MAP3K9: variants seen among roughly 807,000 people sequenced by gnomAD.
MAP3K9 encodes mitogen-activated protein kinase kinase kinase 9, also known as mixed lineage kinase 1 (tyr and ser/thr specificity).
In MAP3K9, 46 loss-of-function variants were observed where a neutral mutation model predicts 95.8. The ratio of observed to expected loss-of-function variants is 0.48; its 90% CI spans 0.38 to 0.61. MAP3K9 has a LOEUF of 0.61. Ranked by LOEUF, MAP3K9 falls within the 20% of genes least tolerant of loss-of-function variation. The probability of loss-of-function intolerance (pLI) is 0.00; values close to 1 mark genes in which losing one functional copy is unlikely to be tolerated. For synonymous variants in MAP3K9, 533 were observed against 593.8 expected (o/e 0.90, Z 1.49); for missense variants, 1,296 against 1,474.3 (o/e 0.88, Z 1.98).
chr14:70,733,732 A>AG (rs2053945981), intron 10 of MAP3K9: 1 of 718,444 alleles, frequency 1.4e-6, no homozygotes, highest in Middle Eastern at 2.3e-4. Flanking sequence ...GATGGGAGTC[A>AG]GGGGGCAGGG....
At chr14:70,778,877 C>G (rs1566757878) in intron 2 of MAP3K9, among the ~76,000 whole-genome samples, 1 of 152,156 alleles carries the variant, frequency 6.6e-6, no homozygotes, top group Non-Finnish European at 1.5e-5. Context: ...CTTACCCTAC[C>G]CCGTCCACCC....
intron 2 of MAP3K9, among the ~76,000 whole-genome samples, chr14:70,781,144 CA>C: frequency 6.6e-6 from 1 of 152,354 alleles, no homozygotes; most frequent in Non-Finnish European, 1.5e-5. Flanking sequence ...TAACAGAATG[CA>C]GAAGAAATGA....
chr14:70,755,226 T>A (rs1270340121), intron 3 of MAP3K9, among the ~76,000 whole-genome samples: 1 of 152,214 alleles, frequency 6.6e-6, no homozygotes, highest in Non-Finnish European at 1.5e-5. Context: ...CAAGTCAGTT[T>A]GGGAAACAGC....
chr14:70,809,162 A>T lies in MAP3K9; in HGVS notation c.10T>A (p.Ser4Thr). 1 of 1,357,736 alleles carries T rather than the reference A, an allele frequency of 7.4e-7. No homozygotes were observed. The highest frequency in any genetic ancestry group is 1.8e-5 in the South Asian group (1 of 55,030). 84.1% of individuals were successfully genotyped at this position (1,357,736 alleles called of 1,614,324 possible). A position where few individuals can be genotyped will look rare whatever the true frequency, so the allele number is the denominator to read the frequency against. ...GCTAGGCAGCCGAGAAGCGCTCTGG[A>T]GGGCTCCATGGAGCGGCCGATCCAT... MEP[S>T]RALLGCLASA... The change falls in exon 1 of 12, where the codon TCC becomes ACC. Residue 4 changes from serine to threonine, a missense_variant. Ser to Thr is a moderately conservative substitution (Grantham distance 58, BLOSUM62 1). This residue lies in a region of MAP3K9 where 338 missense variants were observed against 363.4 expected (regional missense o/e 0.93). Transcript: ENST00000554752.
At chr14:70,732,513 A>G (rs763648059) in intron 11 of MAP3K9, 26 bp downstream of exon 11, 15 of 1,516,448 alleles carry the variant, frequency 9.9e-6, no homozygotes, top group Non-Finnish European at 1.3e-5. Flanking sequence ...CAAAGAAAGG[A>G]AAGAGAAAAG....
At chr14:70,733,821 A>G (rs1216026910) in intron 10 of MAP3K9, 1 of 718,058 alleles carries the variant, frequency 1.4e-6, no homozygotes, top group East Asian at 2.7e-5. Context: ...AGGCAGAAAA[A>G]GGGGGATGCT....
At position 70,769,793 on chromosome 14, in the gene MAP3K9, A is replaced by G. The variant is rs1413338306; in HGVS notation, c.821-8611T>C. ...TTCTCCTATTTGTCTATGTGTCCTT[A>G]TAAGGACATCGGTCATTGGATTAGG... is the stretch of plus-strand genomic sequence containing the variant. On this transcript the variant is annotated intron_variant, in intron 2 of 11. Transcript: ENST00000554752. Among the ~76,000 whole-genome samples, 4 of 152,256 alleles carry G rather than the reference A, an allele frequency of 2.6e-5. No individual in the cohort carries two copies. The East Asian group carries it at 7.7e-4, about 29-fold the overall frequency.
intron 6 of MAP3K9, among the ~76,000 whole-genome samples, chr14:70,742,087 C>T (rs1594771123): frequency 6.6e-6 from 1 of 152,318 alleles, no homozygotes; most frequent in East Asian, 1.9e-4. Context: ...CCCCTGTGAG[C>T]CACCAGGCTT....
At chr14:70,779,018 G>C (rs913753778) in intron 2 of MAP3K9, among the ~76,000 whole-genome samples, 1 of 108,428 alleles carries the variant, frequency 9.2e-6, no homozygotes, top group East Asian at 2.5e-4. Flanking sequence ...TTTGGTCCAG[G>C]GGGAGAATCA....
chr14:70,777,573 C>A (rs2054616439), intron 2 of MAP3K9, among the ~76,000 whole-genome samples: 1 of 152,190 alleles, frequency 6.6e-6, no homozygotes, highest in African/African-American at 2.4e-5. Context: ...AGAAAGTCTT[C>A]CCTATCAAAC....
intron 11 of MAP3K9, 36 bp downstream of exon 11, chr14:70,732,503 C>A (rs571330997): frequency 6.6e-7 from 1 of 1,511,598 alleles, no homozygotes; most frequent in South Asian, 1.4e-5. Flanking sequence ...TGAGGAGGCA[C>A]AAAGAAAGGA....
In MAP3K9 at chr14:70,735,810, T is replaced by C. The variant is rs572480644; in HGVS notation, c.1913+151A>G. 2.2e-4 allele frequency: 146 copies of C among 666,648 alleles called. 1 individual carries two copies. The South Asian group carries it at 2.5e-3, about 12-fold the overall frequency. The allele number at this position is 666,648 out of a possible 1,614,324, so 41.3% of individuals were successfully genotyped here. Reference sequence around the variant, plus strand: ...ACAGGAATTTTCCCAAGGTGCACAATGGTACTGCTTAAAACAAAAACAAAA... The same window carrying C: ...ACAGGAATTTTCCCAAGGTGCACAACGGTACTGCTTAAAACAAAAACAAAA... On this transcript the variant is annotated intron_variant, in intron 9 of 11. Coordinates refer to ENST00000554752, the MANE Select transcript of MAP3K9 (RefSeq NM_001284230.2).
chr14:70,809,327 C>G lies in MAP3K9; in HGVS notation c.-156G>C. On this transcript the variant is annotated 5_prime_UTR_variant, in exon 1 of 12. Coordinates refer to ENST00000554752, the MANE Select transcript of MAP3K9 (RefSeq NM_001284230.2). Reference sequence around the variant, plus strand: ...GGCAGGGCTGGGAGAGCCGGCTCGCCGGCGCTGTTACCGCGGTACGAGAAG... The same window carrying G: ...GGCAGGGCTGGGAGAGCCGGCTCGCGGGCGCTGTTACCGCGGTACGAGAAG... 2 of 984,016 alleles carry G rather than the reference C, an allele frequency of 2.0e-6. No individual in the cohort carries two copies. Among genetic ancestry groups the G allele is most frequent in the Non-Finnish European group, 2.6e-6 (2 of 761,578 alleles). 61.0% of individuals were successfully genotyped at this position (984,016 alleles called of 1,614,324 possible).
intron 2 of MAP3K9, among the ~76,000 whole-genome samples, chr14:70,797,179 G>C (rs747637618): frequency 2.0e-5 from 3 of 151,920 alleles, no homozygotes; most frequent in Non-Finnish European, 4.4e-5. Context: ...CTCTTTTCTC[G>C]AATGGTCAAA....
intron 2 of MAP3K9, among the ~76,000 whole-genome samples, chr14:70,792,453 T>C (rs904002174): frequency 3.3e-5 from 5 of 152,202 alleles, no homozygotes; most frequent in African/African-American, 1.2e-4. Context: ...CAAAAAGTCA[T>C]TTACTTACCT....
chr14:70,759,281 C>A (rs977349092), intron 3 of MAP3K9, among the ~76,000 whole-genome samples: 1 of 151,966 alleles, frequency 6.6e-6, no homozygotes, highest in African/African-American at 2.4e-5. Context: ...CCCGTCTCTA[C>A]TAAAAATATA....
chr14:70,731,829 T>C (rs1296309248), intron 11 of MAP3K9, among the ~76,000 whole-genome samples: 1 of 152,248 alleles, frequency 6.6e-6, no homozygotes, highest in Non-Finnish European at 1.5e-5. Context: ...AGGGTATTAC[T>C]ATGCCCCCTT....
chr14:70,777,791 T>C (rs1432750190), intron 2 of MAP3K9, among the ~76,000 whole-genome samples: 1 of 152,274 alleles, frequency 6.6e-6, no homozygotes, highest in African/African-American at 2.4e-5. Flanking sequence ...ACCAGCACCA[T>C]GGGTGGAAAG....
Position 70,729,627 on chromosome 14 carries a change from G to A in MAP3K9, c.*753C>T, listed in dbSNP as rs534775132. ...TACTTGCTGGTTTGCCCTTTGCCGA[G>A]AGTTTCCAAAAAGAACAAGGACATA... On this transcript the variant is annotated 3_prime_UTR_variant, in exon 12 of 12. Transcript: ENST00000554752. 1 of 152,332 alleles carries A rather than the reference G, an allele frequency of 6.6e-6. No homozygotes were observed. The highest frequency in any genetic ancestry group is 1.9e-4 in the East Asian group (1 of 5,184). The allele number at this position is 152,332 out of a possible 1,614,324, so 9.4% of individuals were successfully genotyped here. A position where few individuals can be genotyped will look rare whatever the true frequency, so the allele number is the denominator to read the frequency against.
Sources: allele counts gnomAD v4.1 joint callset (sites outside exome capture counted in the v4.1 genomes callset), GRCh38; gene constraint gnomAD v4.1.1; regional missense constraint gnomAD v4.1.1; transcripts MANE v1.5; gene names NCBI Gene and HGNC (gene_info 2026-07-23, HGNC 2026-07-21).